Variants in PDE1C observed in about 807,000 individuals in gnomAD.
PDE1C encodes phosphodiesterase 1C.
PDE1C carries 62 observed loss-of-function variants against 93.1 expected under a neutral mutation model. The ratio of observed to expected loss-of-function variants is 0.67; its 90% CI spans 0.54 to 0.82. PDE1C has a LOEUF of 0.82. Ranked by LOEUF, PDE1C falls within the 40% of genes least tolerant of loss-of-function variation. The pLI, the probability that PDE1C is intolerant of heterozygous loss-of-function variation, is 0.00. For synonymous variants in PDE1C, 325 were observed against 310.1 expected, an observed-to-expected ratio of 1.05 and a Z score of -0.50; for missense variants, 742 against 884.6, an observed-to-expected ratio of 0.84 and a Z score of 2.04.
chr7:32,067,950 G>A (rs1289920029), intron 1 of PDE1C, among the ~76,000 whole-genome samples: 2 of 152,138 alleles, frequency 1.3e-5, no homozygotes, highest in East Asian at 1.9e-4. Context: ...TTCTAATGGA[G>A]GAGATGAAAA....
At chr7:31,880,670 G>T in intron 3 of PDE1C, 77 bp downstream of exon 3, 1 of 814,260 alleles carries the variant, frequency 1.2e-6, no homozygotes, top group Non-Finnish European at 2.1e-6. Flanking sequence ...TCCTGGCATG[G>T]GGGACAATTT....
chr7:31,924,492 T>C (rs763658355), intron 2 of PDE1C, among the ~76,000 whole-genome samples: 4 of 152,224 alleles, frequency 2.6e-5, no homozygotes, highest in Non-Finnish European at 5.9e-5. Context: ...TGTTGCCTTA[T>C]AGGCATCATG....
chr7:32,240,547 C>G (rs187340245), intron 1 of PDE1C, among the ~76,000 whole-genome samples: 3 of 152,304 alleles, frequency 2.0e-5, no homozygotes, highest in Admixed American at 2.0e-4. Flanking sequence ...AACAAAGTCT[C>G]TGACACAGAA....
intron 2 of PDE1C, among the ~76,000 whole-genome samples, chr7:32,033,721 T>C (rs1360123464): frequency 6.6e-6 from 1 of 152,078 alleles, no homozygotes; most frequent in Admixed American, 6.5e-5. Flanking sequence ...TTGTCATGGC[T>C]TGCTTCTAAT....
intron 2 of PDE1C, among the ~76,000 whole-genome samples, chr7:31,986,720 T>G (rs1783439008): frequency 6.6e-6 from 1 of 151,988 alleles, no homozygotes; most frequent in East Asian, 1.9e-4. Flanking sequence ...GCAAGGAAGG[T>G]TCTTCCCCAG....
At position 31,795,450 on chromosome 7, in the gene PDE1C, C is replaced by A. The variant is rs1055598554; in HGVS notation, c.1891+13581G>T. Among the ~76,000 whole-genome samples the A allele has an allele frequency of 2.0e-5, 3 of 151,870 alleles. No homozygotes were observed. The South Asian group carries it at 6.2e-4, about 32-fold the overall frequency. ...GGAAAAAAGAAAAATCACACCTTGCCCCGTAGTTACAAAATTTTAATTCCC... is the reference window on the plus strand; with the variant it reads ...GGAAAAAAGAAAAATCACACCTTGCACCGTAGTTACAAAATTTTAATTCCC... On this transcript the variant is annotated intron_variant, in intron 16 of 17. Transcript: ENST00000396191.
intron 16 of PDE1C, among the ~76,000 whole-genome samples, chr7:31,780,417 G>A (rs1418001057): frequency 6.6e-6 from 1 of 152,152 alleles, no homozygotes; most frequent in East Asian, 1.9e-4. Context: ...GATTTAGACT[G>A]CACGTCTGCT....
intron 7 of PDE1C, among the ~76,000 whole-genome samples, chr7:31,853,557 AAC>A (rs1198307243): frequency 2.0e-5 from 3 of 152,166 alleles, no homozygotes; most frequent in Non-Finnish European, 4.4e-5. Flanking sequence ...GGCATTAGAA[AAC>A]ACAGTGAGCG....
At chr7:32,363,966 C>T (rs184112209) in intron 1 of PDE1C, among the ~76,000 whole-genome samples, 16 of 152,294 alleles carry the variant, frequency 1.1e-4, no homozygotes, top group African/African-American at 3.8e-4. Context: ...ATATCATTGT[C>T]ATTTTATAAA....
the PDE1C span, chr7:31,707,325 T>C: frequency 6.5e-7 from 1 of 1,534,098 alleles, no homozygotes; most frequent in Non-Finnish European, 9.0e-7. Context: ...GTTAGATTGG[T>C]TCCCTGTGGT....
At chr7:32,049,607 C>T (rs1466544657) in intron 2 of PDE1C, among the ~76,000 whole-genome samples, 3 of 152,210 alleles carry the variant, frequency 2.0e-5, no homozygotes, top group South Asian at 2.1e-4. Context: ...TGTGAGATGA[C>T]GCTCATTAGA....
At chr7:32,133,455 C>T (rs1049370019) in intron 3 of PDE1C, among the ~76,000 whole-genome samples, 8 of 152,072 alleles carry the variant, frequency 5.3e-5, no homozygotes, top group African/African-American at 1.9e-4. Context: ...AAATAGAAAG[C>T]CTGCCAGTTT....
At chr7:32,283,748 T>C (rs1562648825) in intron 1 of PDE1C, among the ~76,000 whole-genome samples, 1 of 152,240 alleles carries the variant, frequency 6.6e-6, no homozygotes, top group Admixed American at 6.5e-5. Context: ...ATGCAGAGCT[T>C]TGCTGCCAGC....
At chr7:31,894,125 G>A (rs1798977760) in intron 2 of PDE1C, among the ~76,000 whole-genome samples, 1 of 152,318 alleles carries the variant, frequency 6.6e-6, no homozygotes, top group South Asian at 2.1e-4. Flanking sequence ...AGTAAAAAGA[G>A]ACAACAAGGG....
At chr7:31,830,626 C>T (rs1468794572) in intron 11 of PDE1C, among the ~76,000 whole-genome samples, 1 of 152,166 alleles carries the variant, frequency 6.6e-6, no homozygotes, top group Admixed American at 6.5e-5. Context: ...TAGCTGTTCA[C>T]CACATCCCTA....
At chr7:32,038,581 T>C (rs995557529) in intron 2 of PDE1C, among the ~76,000 whole-genome samples, 13 of 152,012 alleles carry the variant, frequency 8.6e-5, no homozygotes, top group African/African-American at 3.1e-4. Context: ...AATCACAAAG[T>C]TTAAGTGGTG....
At chr7:32,212,025 C>CAAAA (rs35827566) in intron 1 of PDE1C, among the ~76,000 whole-genome samples, 61 of 80,604 alleles carry the variant, frequency 7.6e-4, no homozygotes, top group Non-Finnish European at 9.5e-4. Flanking sequence ...GAACCTATCT[C>CAAAA]AAAAAAAAAA....
chr7:31,678,031 G>A, the PDE1C span, among the ~76,000 whole-genome samples: 9 of 152,112 alleles, frequency 5.9e-5, no homozygotes, highest in African/African-American at 2.2e-4. Flanking sequence ...CACCTATAAT[G>A]GCAAAGATAA....
chr7:31,987,891 T>C (rs984514906), intron 2 of PDE1C, among the ~76,000 whole-genome samples: 8 of 152,226 alleles, frequency 5.3e-5, no homozygotes, highest in African/African-American at 1.9e-4. Context: ...TATTCTCAGC[T>C]ACCCTGGATC....
Sources: allele counts gnomAD v4.1 joint callset (sites outside exome capture counted in the v4.1 genomes callset), GRCh38; gene constraint gnomAD v4.1.1; transcripts MANE v1.5; gene names NCBI Gene and HGNC (gene_info 2026-07-23, HGNC 2026-07-21).